NEDD9: variants seen among roughly 807,000 people sequenced by gnomAD.
The protein encoded by NEDD9 is enhancer of filamentation 1.
NEDD9 carries 26 observed loss-of-function variants against 76.6 expected under a neutral mutation model. The ratio of observed to expected loss-of-function variants is 0.34; its 90% CI spans 0.25 to 0.47. NEDD9 has a LOEUF of 0.47. Among genes scored for constraint, NEDD9 ranks in the 20% least tolerant of loss-of-function variants. The pLI is 1.00. For synonymous variants in NEDD9, 392 were observed against 414.2 expected, an observed-to-expected ratio of 0.95 and a Z score of 0.65; for missense variants, 937 against 1,058.5, an observed-to-expected ratio of 0.89 and a Z score of 1.59.
intron 2 of NEDD9, among the ~76,000 whole-genome samples, chr6:11,319,619 A>ATG (rs1554132785): frequency 0.078 from 11,458 of 147,028 alleles, 565 homozygotes; most frequent in Admixed American, 0.16. Context: ...ACTCACACTC[A>ATG]CACACACACA....
intron 1 of NEDD9, among the ~76,000 whole-genome samples, chr6:11,373,845 T>C (rs1762924195): frequency 6.6e-6 from 1 of 152,098 alleles, no homozygotes; most frequent in Admixed American, 6.5e-5. Flanking sequence ...TTCCATAATG[T>C]AGGTGGGCCT....
chr6:11,259,182 A>T (rs761299672), intron 3 of NEDD9: 1 of 152,186 alleles, frequency 6.6e-6, no homozygotes, highest in Non-Finnish European at 1.5e-5. Context: ...TTTCGCTGAT[A>T]ACCTTGCAGG....
chr6:11,355,470 C>G (rs2113541788), intron 1 of NEDD9, among the ~76,000 whole-genome samples: 1 of 152,306 alleles, frequency 6.6e-6, no homozygotes, highest in East Asian at 1.9e-4. Context: ...GTCGTGAAGT[C>G]TCCGACCTAG....
intron 2 of NEDD9, among the ~76,000 whole-genome samples, chr6:11,204,725 AAAAAAAAAAAAAG>A (rs1007262260): frequency 2.0e-5 from 3 of 150,010 alleles, no homozygotes; most frequent in African/African-American, 7.3e-5. Flanking sequence ...GTCTCAAAAA[AAAAAAAAAAAAAG>A]AAAGAAAGAA....
chr6:11,186,929 C>T (rs527915266), intron 6 of NEDD9, among the ~76,000 whole-genome samples: 1 of 152,148 alleles, frequency 6.6e-6, no homozygotes, highest in African/African-American at 2.4e-5. Context: ...AACAGCTTTA[C>T]TTTTCTAGAA....
chr6:11,309,212 C>T (rs1761290588), intron 2 of NEDD9, among the ~76,000 whole-genome samples: 1 of 152,188 alleles, frequency 6.6e-6, no homozygotes, highest in Middle Eastern at 3.2e-3. Context: ...TTGAGCAATG[C>T]ATCTGTGTTA....
chr6:11,304,361 G>A (rs1761126063), intron 3 of NEDD9, among the ~76,000 whole-genome samples: 1 of 152,228 alleles, frequency 6.6e-6, no homozygotes, highest in Non-Finnish European at 1.5e-5. Context: ...GTTGGTGGGA[G>A]TGTAAACTGG....
chr6:11,302,325 G>T (rs1231915424), intron 3 of NEDD9, among the ~76,000 whole-genome samples: 1 of 152,170 alleles, frequency 6.6e-6, no homozygotes, highest in African/African-American at 2.4e-5. Context: ...GGAAGAAATT[G>T]AATCTCTGGA....
chr6:11,347,562 A>C (rs891249031), intron 1 of NEDD9, among the ~76,000 whole-genome samples: 4 of 152,238 alleles, frequency 2.6e-5, no homozygotes, highest in African/African-American at 9.7e-5. Flanking sequence ...AAATACTAGC[A>C]AACCTTTCCA....
rs546918373 is a variant in NEDD9 at position 11,291,304 on chromosome 6, T to A, written c.12+14688A>T. 1.5e-3 allele frequency among the ~76,000 whole-genome samples: 204 copies of A among 133,904 alleles called. 6 individuals carry two copies. Among genetic ancestry groups the A allele is most frequent in the African/African-American group, 5.9e-3 (190 of 32,162 alleles). 87.8% of individuals were successfully genotyped at this position (133,904 alleles called of 152,430 possible). Reference sequence around the variant, plus strand: ...TTTTTTTTTTTTTTGAGACGGAGTCTCGCTCTGTCGCCCAGGCTGGAGTGC... The same window carrying A: ...TTTTTTTTTTTTTTGAGACGGAGTCACGCTCTGTCGCCCAGGCTGGAGTGC... On this transcript the variant is annotated intron_variant, in intron 3 of 3. Transcript: ENST00000397378.
rs567043378 is a variant in NEDD9 at position 11,241,733 on chromosome 6, A to T, written c.13-28006T>A. On this transcript the variant is annotated intron_variant, in intron 3 of 3. Transcript: ENST00000397378. The surrounding 1 kb of genome is among the most constrained non-coding windows in gnomAD (Gnocchi z 4.0). ...ATGCATTTTCTCCCCCTTGTGCCTT[A>T]AAAGAGCCCAGCTGACCCAGCCCTC... is the stretch of plus-strand genomic sequence containing the variant. Among the ~76,000 whole-genome samples the T allele has an allele frequency of 6.6e-6, 1 of 152,136 alleles. No individual in the cohort carries two copies. Among genetic ancestry groups the T allele is most frequent in the East Asian group, 1.9e-4 (1 of 5,180 alleles).
At position 11,226,227 on chromosome 6, in the gene NEDD9, G is replaced by A. The variant is rs1357159563; in HGVS notation, c.12+6277C>T. 6.6e-5 allele frequency among the ~76,000 whole-genome samples: 10 copies of A among 152,298 alleles called. No homozygotes were observed. The South Asian group carries it at 1.0e-3, about 16-fold the overall frequency. On this transcript the variant is annotated intron_variant, in intron 1 of 6. Transcript: ENST00000379446. ...ATGTTCAAAGTAAATAAGATGGAGG[G>A]GGGTGTTGTTGGCAAAGTATAAACA... is the stretch of plus-strand genomic sequence containing the variant.
At chr6:11,321,304 A>G (rs1191567699) in intron 2 of NEDD9, among the ~76,000 whole-genome samples, 1 of 152,176 alleles carries the variant, frequency 6.6e-6, no homozygotes, top group African/African-American at 2.4e-5. Flanking sequence ...ACCAGCAGCG[A>G]TGGTTTGAGA....
At chr6:11,200,982 CACA>C in intron 2 of NEDD9, 1 of 1,614,212 alleles carries the variant, frequency 6.2e-7, no homozygotes, top group Non-Finnish European at 8.5e-7. Flanking sequence ...AGTGGAGGTT[CACA>C]AGCTGGTTTG....
intron 3 of NEDD9, among the ~76,000 whole-genome samples, chr6:11,267,955 C>T (rs11964334): frequency 0.2 from 29,927 of 152,146 alleles, 3,449 homozygotes; most frequent in African/African-American, 0.32. Context: ...ATTTAGACCA[C>T]AGCAGAGTTG....
intron 3 of NEDD9, among the ~76,000 whole-genome samples, chr6:11,282,639 TA>T (rs1403667938): frequency 6.6e-6 from 1 of 152,258 alleles, no homozygotes; most frequent in Non-Finnish European, 1.5e-5. Context: ...AGTCATTTTT[TA>T]CTTTTTTCAT....
intron 1 of NEDD9, among the ~76,000 whole-genome samples, chr6:11,381,732 T>C (rs1364380179): frequency 6.6e-6 from 1 of 152,188 alleles, no homozygotes; most frequent in Non-Finnish European, 1.5e-5. Context: ...GAAAAGGACG[T>C]AAATGATTCT....
intron 2 of NEDD9, among the ~76,000 whole-genome samples, chr6:11,330,692 G>A (rs1168407105): frequency 6.6e-6 from 1 of 152,154 alleles, no homozygotes; most frequent in Non-Finnish European, 1.5e-5. Context: ...GTGGCTTTTA[G>A]TCTAAGTCCC....
intron 3 of NEDD9, among the ~76,000 whole-genome samples, chr6:11,259,935 A>ACACACACACACAC (rs139640152): frequency 8.2e-4 from 117 of 142,596 alleles, no homozygotes; most frequent in Non-Finnish European, 3.0e-4. Flanking sequence ...CTGCGCCCTT[A>ACACACACACACAC]ACACACACAC....
Sources: gnomAD v4.1 joint callset for allele counts (sites outside exome capture counted in the v4.1 genomes callset) on GRCh38, gnomAD v4.1.1 for gene constraint, Gnocchi (gnomAD v3.1) non-coding constraint, MANE v1.5 for transcripts, NCBI Gene and HGNC (gene_info 2026-07-23, HGNC 2026-07-21) for gene names.